LRFN2: variants seen among roughly 807,000 people sequenced by gnomAD.
LRFN2 encodes leucine-rich repeat and fibronectin type-III domain-containing protein 2.
In LRFN2, 18 loss-of-function variants were observed where a neutral mutation model predicts 37.3. The observed-to-expected ratio is 0.48, with a 90% CI of 0.33 to 0.72. The LOEUF (loss-of-function observed/expected upper bound fraction) is 0.72. LRFN2 is among the 30% of genes least tolerant of loss of function. The probability of loss-of-function intolerance (pLI) is 0.02; values close to 1 mark genes in which losing one functional copy is unlikely to be tolerated. For missense variants in LRFN2, 1,006 were observed against 1,060.7 expected (o/e 0.95, Z 0.72); for synonymous variants, 556 against 466.6 (o/e 1.19, Z -2.47).
chr6:40,486,702 C>T (rs1183668600), intron 1 of LRFN2, among the ~76,000 whole-genome samples: 2 of 152,104 alleles, frequency 1.3e-5, no homozygotes, highest in East Asian at 3.9e-4. Flanking sequence ...GTGCAAATGG[C>T]ACTAAGTTTT....
intron 1 of LRFN2, among the ~76,000 whole-genome samples, chr6:40,583,847 C>T (rs912746561): frequency 3.3e-5 from 5 of 152,090 alleles, no homozygotes; most frequent in Non-Finnish European, 5.9e-5. Context: ...GGGGAGTGGG[C>T]AACAGAGTCA....
At chr6:40,580,073 C>CA in intron 1 of LRFN2, among the ~76,000 whole-genome samples, 1 of 152,120 alleles carries the variant, frequency 6.6e-6, no homozygotes, top group East Asian at 1.9e-4. Context: ...GCTGAGACTA[C>CA]AAAAAAGGAT....
chr6:40,420,383 T>C (rs1763196710), intron 2 of LRFN2, among the ~76,000 whole-genome samples: 1 of 152,246 alleles, frequency 6.6e-6, no homozygotes, highest in Admixed American at 6.5e-5. Context: ...ATAGGCCTAA[T>C]TGTCAAGAAG....
intron 2 of LRFN2, 92 bp from the exon 3 acceptor site, chr6:40,393,004 A>T: frequency 1.6e-5 from 11 of 695,718 alleles, no homozygotes; most frequent in East Asian, 4.5e-5. Flanking sequence ...AGAGTGACAG[A>T]GATGGGGAGG....
At chr6:40,474,644 C>T (rs1764671587) in intron 1 of LRFN2, among the ~76,000 whole-genome samples, 1 of 152,036 alleles carries the variant, frequency 6.6e-6, no homozygotes, top group Non-Finnish European at 1.5e-5. Flanking sequence ...GGTATGCCAC[C>T]ACACCTGGCT....
In LRFN2 at chr6:40,391,841, TG is replaced by T; in HGVS notation, c.*101del. ...ATTGACAGGGAGACGAAACTGTCCC[TG>T]GATGTAAACATCACCATGGAAACTC... On this transcript the variant is annotated 3_prime_UTR_variant, in exon 3 of 3. Coordinates refer to ENST00000338305, the MANE Select transcript of LRFN2 (RefSeq NM_020737.3). 2 of 1,283,344 alleles carry T rather than the reference TG, an allele frequency of 1.6e-6. No homozygotes were observed. Among genetic ancestry groups the T allele is most frequent in the Non-Finnish European group, 2.1e-6 (2 of 952,228 alleles). The allele number at this position is 1,283,344 out of a possible 1,614,324, so 79.5% of individuals were successfully genotyped here.
chr6:40,530,703 C>T (rs997649420), intron 1 of LRFN2, among the ~76,000 whole-genome samples: 4 of 152,104 alleles, frequency 2.6e-5, no homozygotes, highest in Non-Finnish European at 4.4e-5. Flanking sequence ...CTGCCCCCTG[C>T]TCCACAATGC....
chr6:40,420,283 A>C (rs1424353610), intron 2 of LRFN2, among the ~76,000 whole-genome samples: 1 of 152,238 alleles, frequency 6.6e-6, no homozygotes, highest in East Asian at 1.9e-4. Context: ...TGAGACCCTG[A>C]AGATGGTGGA....
At chr6:40,482,426 T>C (rs1581739483) in intron 1 of LRFN2, among the ~76,000 whole-genome samples, 1 of 152,084 alleles carries the variant, frequency 6.6e-6, no homozygotes, top group South Asian at 2.1e-4. Context: ...TCCTCAGGGG[T>C]GGAACCACAT....
chr6:40,398,158 G>A (rs1762653720), intron 2 of LRFN2, among the ~76,000 whole-genome samples: 2 of 151,798 alleles, frequency 1.3e-5, no homozygotes, highest in East Asian at 1.9e-4. Flanking sequence ...GTGTGGGGCT[G>A]ACCTCTGCAT....
intron 1 of LRFN2, among the ~76,000 whole-genome samples, chr6:40,564,850 T>C (rs1231034167): frequency 6.6e-6 from 1 of 151,996 alleles, no homozygotes; most frequent in Admixed American, 6.6e-5. Flanking sequence ...CCACCATCAG[T>C]GTGATCATAT....
At position 40,392,371 on chromosome 6, in the gene LRFN2, G is replaced by A. The variant is rs201915132; in HGVS notation, c.1942C>T (p.Arg648Cys). 3.4e-4 allele frequency: 546 copies of A among 1,597,548 alleles called. No homozygotes were observed. Among genetic ancestry groups the A allele is most frequent in the South Asian group, 6.4e-4 (57 of 88,684 alleles). ...APWRIPPSAPRPKPSLDRLMG... is the reference protein window; with the variant it reads ...APWRIPPSAPCPKPSLDRLMG... ...AGGCGGTCAAGGCTGGGCTTGGGGC[G>A]CGGGGCGGAGGGTGGGATCCTCCAG... The change falls in exon 3 of 3, where the codon CGC becomes TGC. Residue 648 changes from arginine to cysteine, a missense_variant. Arg to Cys is a radical substitution (Grantham distance 180). Transcript: ENST00000338305. This position sits in a 1 kb window ranked among gnomAD's most constrained non-coding sequence, Gnocchi z 4.7.
At chr6:40,566,194 C>G (rs1320725226) in intron 1 of LRFN2, among the ~76,000 whole-genome samples, 2 of 152,204 alleles carry the variant, frequency 1.3e-5, no homozygotes, top group Non-Finnish European at 2.9e-5. Context: ...GATACCATCT[C>G]ACACCAGTTA....
At chr6:40,522,965 G>C (rs1425525711) in intron 1 of LRFN2, among the ~76,000 whole-genome samples, 1 of 152,210 alleles carries the variant, frequency 6.6e-6, no homozygotes, top group South Asian at 2.1e-4. Flanking sequence ...TGTAATAAGG[G>C]AAGGACAGAC....
In LRFN2 at chr6:40,442,302, T is replaced by C. The variant is rs573528782; in HGVS notation, c.-18-9171A>G. 9.4e-4 allele frequency among the ~76,000 whole-genome samples: 144 copies of C among 152,382 alleles called. 1 individual carries two copies. Among genetic ancestry groups the C allele is most frequent in the African/African-American group, 3.2e-3 (134 of 41,590 alleles). On this transcript the variant is annotated intron_variant, in intron 1 of 2. Coordinates refer to ENST00000338305, the MANE Select transcript of LRFN2 (RefSeq NM_020737.3). The stretch of plus-strand genomic sequence containing the variant: ...ACTCTATGATTTACTCTCCTCATTA[T>C]GGTTGGCCCAGGCAAAAATTAAAAT...
intron 2 of LRFN2, among the ~76,000 whole-genome samples, chr6:40,421,027 C>G (rs1234325579): frequency 6.6e-6 from 1 of 152,206 alleles, no homozygotes; most frequent in Non-Finnish European, 1.5e-5. Context: ...CCTCCAAACT[C>G]TGTTAAAGGC....
chr6:40,455,410 C>T (rs915335505), intron 1 of LRFN2, among the ~76,000 whole-genome samples: 9 of 152,174 alleles, frequency 5.9e-5, no homozygotes, highest in African/African-American at 2.2e-4. Flanking sequence ...CTGGCATAAG[C>T]CCCCACACCA....
chr6:40,479,194 C>T (rs1350077777), intron 1 of LRFN2, among the ~76,000 whole-genome samples: 1 of 152,170 alleles, frequency 6.6e-6, no homozygotes, highest in African/African-American at 2.4e-5. Flanking sequence ...GTACCCAGCA[C>T]TCAATAAGTT....
intron 1 of LRFN2, among the ~76,000 whole-genome samples, chr6:40,585,294 A>C (rs905406051): frequency 2.6e-5 from 4 of 152,170 alleles, no homozygotes; most frequent in African/African-American, 9.7e-5. Context: ...GCCTGAGCAG[A>C]AGCATGTGAG....
Sources: allele counts gnomAD v4.1 joint callset (sites outside exome capture counted in the v4.1 genomes callset), GRCh38; gene constraint gnomAD v4.1.1; non-coding constraint Gnocchi (gnomAD v3.1); transcripts MANE v1.5; gene names NCBI Gene and HGNC (gene_info 2026-07-23, HGNC 2026-07-21).